Variants in ARL14EPL observed in about 807,000 individuals in gnomAD.
ARL14EPL encodes the protein ARF like GTPase 14 effector protein like, also known as ARL14 effector protein-like.
Under a neutral mutation model 15.9 loss-of-function variants are expected in ARL14EPL, and 17 were observed. The observed-to-expected ratio is 1.07, with a 90% confidence interval of 0.73 to 1.60. The LOEUF is 1.60. Ranked by LOEUF, ARL14EPL falls within the 40% of genes most tolerant of loss-of-function variation. ARL14EPL has a pLI of 0.00. For missense variants in ARL14EPL, 214 were observed against 185.9 expected, an observed-to-expected ratio of 1.15 and a Z score of -0.88; for synonymous variants, 78 against 63.8, an observed-to-expected ratio of 1.22 and a Z score of -1.06.
intron 1 of ARL14EPL, among the ~76,000 whole-genome samples, chr5:116,035,286 T>C (rs561401479): frequency 1.3e-5 from 2 of 152,360 alleles, no homozygotes; most frequent in East Asian, 3.9e-4. Context: ...AAGCAGCCAC[T>C]TGGTCCGCGA....
intron 1 of ARL14EPL, among the ~76,000 whole-genome samples, chr5:116,050,745 ACTGT>A (rs1455611008): frequency 6.8e-6 from 1 of 147,368 alleles, no homozygotes; most frequent in Non-Finnish European, 1.5e-5. Flanking sequence ...CCAGCCCTGG[ACTGT>A]CACTCATGAT....
chr5:116,039,059 G>A (rs1490855787), intron 1 of ARL14EPL, among the ~76,000 whole-genome samples: 3 of 152,138 alleles, frequency 2.0e-5, no homozygotes, highest in South Asian at 2.1e-4. Context: ...GAAGAAGGTG[G>A]GTGGCAGTCA....
chr5:116,055,627 T>A (rs940553847), intron 3 of ARL14EPL, among the ~76,000 whole-genome samples: 2 of 150,630 alleles, frequency 1.3e-5, no homozygotes, highest in African/African-American at 2.5e-5. Context: ...GGAAGTGACT[T>A]TATATATATA....
intron 1 of ARL14EPL, among the ~76,000 whole-genome samples, chr5:116,041,302 T>C (rs1473986229): frequency 2.0e-5 from 3 of 152,228 alleles, no homozygotes; most frequent in Non-Finnish European, 4.4e-5. Context: ...CTTTCACTGC[T>C]TTATTATTAT....
intron 2 of ARL14EPL, among the ~76,000 whole-genome samples, chr5:116,053,358 A>C (rs1749438298): frequency 6.7e-6 from 1 of 149,242 alleles, no homozygotes; most frequent in South Asian, 2.1e-4. Context: ...TCTCAAAAAA[A>C]AAAAGAAAAG....
chr5:116,034,285 T>C (rs74957831), intron 1 of ARL14EPL, among the ~76,000 whole-genome samples: 369 of 152,274 alleles, frequency 2.4e-3, no homozygotes, highest in African/African-American at 7.9e-3. Flanking sequence ...CTCTCAGGGT[T>C]CATTTAGGAG....
intron 1 of ARL14EPL, among the ~76,000 whole-genome samples, chr5:116,034,429 T>C (rs928478337): frequency 7.2e-5 from 11 of 152,192 alleles, no homozygotes; most frequent in African/African-American, 2.7e-4. Context: ...ATTTATGAAC[T>C]CCTGTGAGAG....
At position 116,053,999 on chromosome 5, in the gene ARL14EPL, T is replaced by A. The variant is rs576260181; in HGVS notation, c.97-15T>A. The A allele has an allele frequency of 6.6e-7, 1 of 1,522,854 alleles. No homozygotes were observed. The highest frequency in any genetic ancestry group is 8.8e-7 in the Non-Finnish European group (1 of 1,141,840). The allele number at this position is 1,522,854 out of a possible 1,614,324, so 94.3% of individuals were successfully genotyped here. A position where few individuals can be genotyped will look rare whatever the true frequency, so the allele number is the denominator to read the frequency against. ...TATCTGGTTCTTACTATTAATACAT[T>A]TATTTGTTTAATAGCAACAAATAGA... On this transcript the variant is annotated splice_polypyrimidine_tract_variant and intron_variant, in intron 2 of 3. Transcript: ENST00000686077.
intron 1 of ARL14EPL, among the ~76,000 whole-genome samples, chr5:116,049,773 A>T (rs1005200880): frequency 6.6e-6 from 1 of 152,246 alleles, no homozygotes; most frequent in Admixed American, 6.5e-5. Flanking sequence ...CAGTGCTATA[A>T]AACACCACAT....
intron 3 of ARL14EPL, among the ~76,000 whole-genome samples, chr5:116,055,614 C>T (rs1304689293): frequency 6.6e-6 from 1 of 151,448 alleles, no homozygotes; most frequent in Non-Finnish European, 1.5e-5. Flanking sequence ...AAGACCAAAA[C>T]AAGGAAGTGA....
intron 1 of ARL14EPL, among the ~76,000 whole-genome samples, chr5:116,038,990 G>A (rs1749099650): frequency 6.6e-6 from 1 of 152,194 alleles, no homozygotes; most frequent in Non-Finnish European, 1.5e-5. Context: ...CGGAGGAAAT[G>A]AAGCAGAATG....
intron 1 of ARL14EPL, among the ~76,000 whole-genome samples, chr5:116,036,419 A>C (rs1361968357): frequency 7.8e-6 from 1 of 128,912 alleles, no homozygotes; most frequent in Non-Finnish European, 1.7e-5. Context: ...CCAAACAAGG[A>C]AAATTTCCAA....
At chr5:116,038,739 A>G (rs1042287385) in intron 1 of ARL14EPL, among the ~76,000 whole-genome samples, 3 of 152,166 alleles carry the variant, frequency 2.0e-5, no homozygotes, top group Admixed American at 6.5e-5. Context: ...TGAAAATTCA[A>G]TGCACTGAGG....
chr5:116,049,803 T>C (rs2560708), intron 1 of ARL14EPL, among the ~76,000 whole-genome samples: 121,498 of 152,214 alleles, frequency 0.8, 48,662 homozygotes, highest in Middle Eastern at 0.86. Flanking sequence ...TATGGCAGTG[T>C]CACTGTATTT....
chr5:116,057,085 G>A (rs1411416914), intron 3 of ARL14EPL, among the ~76,000 whole-genome samples: 1 of 152,190 alleles, frequency 6.6e-6, no homozygotes, highest in Non-Finnish European at 1.5e-5. Context: ...CCATGATCAA[G>A]TGGGCTTCAT....
In ARL14EPL at chr5:116,051,572, C is replaced by G. The variant is rs755340065; in HGVS notation, c.96+11C>G. The G allele has an allele frequency of 2.4e-5, 37 of 1,515,344 alleles. No homozygotes were observed. The highest frequency in any genetic ancestry group is 3.1e-5 in the Non-Finnish European group (35 of 1,128,330). 93.9% of individuals were successfully genotyped at this position (1,515,344 alleles called of 1,614,324 possible). A position where few individuals can be genotyped will look rare whatever the true frequency, so the allele number is the denominator to read the frequency against. On this transcript the variant is annotated intron_variant, in intron 2 of 3. Transcript: ENST00000686077. ...GGACAGAAACAACTGGTATGGCACA[C>G]AGATTCTATGATTCCATGCTACTGG...
In ARL14EPL at chr5:116,054,078, T is replaced by G; in HGVS notation, c.161T>G (p.Phe54Cys). 1 of 1,535,812 alleles carries G rather than the reference T, an allele frequency of 6.5e-7. No homozygotes were observed. Among genetic ancestry groups the G allele is most frequent in the Non-Finnish European group, 8.7e-7 (1 of 1,146,766 alleles). The change falls in exon 3 of 4, where the codon TTT becomes TGT. Residue 54 changes from phenylalanine to cysteine, a missense_variant. Physicochemically the swap from Phe to Cys is radical, Grantham distance 205. Coordinates refer to ENST00000686077, the MANE Select transcript of ARL14EPL (RefSeq NM_001195581.2). The part of the protein sequence containing the change: ...FRNPGPQVAD[F>C]NPETRQQKKK... ...AACCCTGGACCACAGGTAGCAGACTTTAATCCTGAAACAAGGCAGCAGAAA... is the reference window on the plus strand; with the variant it reads ...AACCCTGGACCACAGGTAGCAGACTGTAATCCTGAAACAAGGCAGCAGAAA...
chr5:116,059,007 C>A lies in ARL14EPL; in HGVS notation c.*60C>A. 6.8e-7 allele frequency: 1 copy of A among 1,469,922 alleles called. No homozygotes were observed. Among genetic ancestry groups the A allele is most frequent in the Non-Finnish European group, 9.2e-7 (1 of 1,089,894 alleles). 91.1% of individuals were successfully genotyped at this position (1,469,922 alleles called of 1,614,324 possible). The stretch of plus-strand genomic sequence containing the variant: ...CTTACACATTTAAGTTGACCTCTTT[C>A]TTTTGGGTGAATTTTAGGGCTTGGG... On this transcript the variant is annotated 3_prime_UTR_variant, in exon 4 of 4. Transcript: ENST00000686077.
chr5:116,059,059 A>G lies in ARL14EPL; in HGVS notation c.*112A>G. The G allele has an allele frequency of 1.0e-6, 1 of 970,462 alleles. No individual in the cohort carries two copies. The highest frequency in any genetic ancestry group is 1.5e-6 in the Non-Finnish European group (1 of 651,554). 60.1% of individuals were successfully genotyped at this position (970,462 alleles called of 1,614,324 possible). ...GAAATATCGAAAAAACATACTGAAG[A>G]CTCATGTTCTGTCAAGCCCCAGAAC... On this transcript the variant is annotated 3_prime_UTR_variant, in exon 4 of 4. Coordinates refer to ENST00000686077, the MANE Select transcript of ARL14EPL (RefSeq NM_001195581.2).
Sources: gnomAD v4.1 joint callset for allele counts (sites outside exome capture counted in the v4.1 genomes callset) on GRCh38, gnomAD v4.1.1 for gene constraint, MANE v1.5 for transcripts, NCBI Gene and HGNC (gene_info 2026-07-23, HGNC 2026-07-21) for gene names.